The following ADAMTSL1 variants were observed in gnomAD, a reference collection of about 807,000 sequenced individuals.
The protein encoded by ADAMTSL1 is ADAMTS like 1.
In ADAMTSL1, 126 loss-of-function variants were observed where a neutral mutation model predicts 201.8. The observed-to-expected ratio is 0.62, with a 90% CI of 0.54 to 0.72. The LOEUF (loss-of-function observed/expected upper bound fraction) is 0.72. ADAMTSL1 is among the 30% of genes least tolerant of loss of function. The probability of loss-of-function intolerance (pLI) is 0.00; values close to 1 mark genes in which losing one functional copy is unlikely to be tolerated. For missense variants in ADAMTSL1, 2,679 were observed against 2,277.8 expected, an observed-to-expected ratio of 1.18 and a Z score of -3.59; for synonymous variants, 1,121 against 903.4, an observed-to-expected ratio of 1.24 and a Z score of -4.32.
rs182712305 is a variant in ADAMTSL1, at chr9:18,778,281, G to C, written c.3677+375G>C. On this transcript the variant is annotated intron_variant, in intron 19 of 28. Transcript: ENST00000380548. ...ACTCTGTAAGATGAACCATGGAAAA[G>C]CTTTGACACTGGAACACTGACTCCG... 2.0e-5 allele frequency among the ~76,000 whole-genome samples: 3 copies of C among 152,322 alleles called. No individual in the cohort carries two copies. In the East Asian group the frequency reaches 5.8e-4, roughly 29 times the overall value.
In ADAMTSL1 at chr9:18,254,345, G is replaced by GTTTTTTTTTTTTTT. The variant is rs59026505; in HGVS notation, c.207+90386_207+90399dup. Among the ~76,000 whole-genome samples the GTTTTTTTTTTTTTT allele has an allele frequency of 1.0e-4, 5 of 49,362 alleles. 1 individual carries two copies. The highest frequency in any genetic ancestry group is 1.4e-4 in the Non-Finnish European group (4 of 28,704). 32.4% of individuals were successfully genotyped at this position (49,362 alleles called of 152,430 possible). The stretch of plus-strand genomic sequence containing the variant: ...GGAACTACCGTCAATACTCTTTTTG[G>GTTTTTTTTTTTTTT]TTTTTTTTTTTTTTTTTTTTTTTTT... On this transcript the variant is annotated intron_variant, in intron 2 of 29. Transcript: ENST00000680146.
intron 1 of ADAMTSL1, among the ~76,000 whole-genome samples, chr9:17,988,861 T>C (rs1819030723): frequency 6.6e-6 from 1 of 152,006 alleles, no homozygotes; most frequent in African/African-American, 2.4e-5. Flanking sequence ...TCTGGTTTAG[T>C]GTTTCTCAAC....
At chr9:18,841,626 T>C (rs1170863752) in intron 23 of ADAMTSL1, among the ~76,000 whole-genome samples, 1 of 152,230 alleles carries the variant, frequency 6.6e-6, no homozygotes, top group East Asian at 1.9e-4. Context: ...CAGTTCCTTC[T>C]TGTACCTCTG....
intron 1 of ADAMTSL1, among the ~76,000 whole-genome samples, chr9:18,015,368 C>G (rs894585707): frequency 1.3e-5 from 2 of 152,078 alleles, no homozygotes; most frequent in African/African-American, 4.8e-5. Context: ...CTGATGATAA[C>G]TGAGTTAAAA....
chr9:18,717,266 A>G (rs990944879), intron 14 of ADAMTSL1, among the ~76,000 whole-genome samples: 1 of 149,556 alleles, frequency 6.7e-6, no homozygotes, highest in Non-Finnish European at 1.5e-5. Flanking sequence ...ATAAAATAAA[A>G]TAAAATAAAA....
chr9:18,403,237 G>A (rs2791448), intron 2 of ADAMTSL1, among the ~76,000 whole-genome samples: 18,755 of 151,754 alleles, frequency 0.12, 1,471 homozygotes, highest in South Asian at 0.24. Context: ...AGGCTGGAGT[G>A]CAGTAGCATG....
At chr9:18,210,256 T>A (rs1019467244) in intron 2 of ADAMTSL1, among the ~76,000 whole-genome samples, 1 of 151,346 alleles carries the variant, frequency 6.6e-6, no homozygotes, top group Middle Eastern at 3.4e-3. Context: ...ATAAAACATG[T>A]CAGAGTTTTT....
Position 18,611,568 on chromosome 9 carries a change from C to T in ADAMTSL1, c.475-10675C>T, listed in dbSNP as rs143764034. On this transcript the variant is annotated intron_variant, in intron 4 of 28. Coordinates refer to ENST00000380548, the MANE Select transcript of ADAMTSL1 (RefSeq NM_001040272.6). Reference sequence around the variant, plus strand: ...GTCCAAGACCCTGAAGTAAATAAGACGAGAACACAATAAATCAGACTGGGA... The same window carrying T: ...GTCCAAGACCCTGAAGTAAATAAGATGAGAACACAATAAATCAGACTGGGA... 2.9e-3 allele frequency among the ~76,000 whole-genome samples: 445 copies of T among 152,144 alleles called. 1 individual carries two copies. Among genetic ancestry groups the T allele is most frequent in the African/African-American group, 0.01 (430 of 41,494 alleles).
intron 2 of ADAMTSL1, among the ~76,000 whole-genome samples, chr9:18,418,245 C>T (rs1379415177): frequency 6.6e-6 from 1 of 152,162 alleles, no homozygotes; most frequent in Non-Finnish European, 1.5e-5. Context: ...AACAAAAAGT[C>T]ACTACAGGTA....
intron 2 of ADAMTSL1, among the ~76,000 whole-genome samples, chr9:18,175,535 T>G (rs1828104928): frequency 6.6e-6 from 1 of 152,234 alleles, no homozygotes; most frequent in African/African-American, 2.4e-5. Context: ...ACTCTAATCT[T>G]GCTTCTGACA....
chr9:18,648,897 T>C (rs1468232617), intron 7 of ADAMTSL1, among the ~76,000 whole-genome samples: 11 of 152,332 alleles, frequency 7.2e-5, no homozygotes, highest in Admixed American at 2.6e-4. Flanking sequence ...AGTACCTTTG[T>C]GGTGTTCTCT....
At chr9:18,330,118 A>C (rs566918311) in intron 2 of ADAMTSL1, among the ~76,000 whole-genome samples, 1 of 152,304 alleles carries the variant, frequency 6.6e-6, no homozygotes, top group East Asian at 1.9e-4. Context: ...CCAGAAATAA[A>C]ATGTCCTTAT....
chr9:18,446,952 A>T (rs1407574487), intron 2 of ADAMTSL1, among the ~76,000 whole-genome samples: 2 of 149,866 alleles, frequency 1.3e-5, no homozygotes, highest in Non-Finnish European at 2.9e-5. Flanking sequence ...TTGCTTTAAA[A>T]TTTCAAATTA....
intron 2 of ADAMTSL1, among the ~76,000 whole-genome samples, chr9:18,221,843 T>G (rs1830272202): frequency 6.6e-6 from 1 of 152,064 alleles, no homozygotes; most frequent in African/African-American, 2.4e-5. Flanking sequence ...TCTATATTCT[T>G]GTTGTTTTAT....
rs950614991 is a variant in ADAMTSL1, at chr9:18,141,297, A to G, written c.88-22565A>G. Among the ~76,000 whole-genome samples the G allele has an allele frequency of 5.9e-5, 9 of 152,260 alleles. No homozygotes were observed. The East Asian group carries it at 7.7e-4, about 13-fold the overall frequency. ...TTGGGTTCCTCATCATGGACAGAAG[A>G]ACATGTTAAGGCAGCAGTGCCTTAA... On this transcript the variant is annotated intron_variant, in intron 1 of 29. Coordinates refer to the ADAMTSL1 transcript ENST00000680146.
intron 14 of ADAMTSL1, chr9:18,718,134 T>C: frequency 9.6e-7 from 1 of 1,039,938 alleles, no homozygotes; most frequent in East Asian, 2.4e-5. Flanking sequence ...GCTAGATTTT[T>C]GACCTTCTTC....
At chr9:18,571,704 T>C (rs970937870) in intron 3 of ADAMTSL1, among the ~76,000 whole-genome samples, 3 of 152,168 alleles carry the variant, frequency 2.0e-5, no homozygotes, top group Admixed American at 2.0e-4. Context: ...CGTGTAGAGT[T>C]TGGGGGCAGT....
chr9:18,181,625 A>C (rs1828483373), intron 2 of ADAMTSL1, among the ~76,000 whole-genome samples: 2 of 152,176 alleles, frequency 1.3e-5, no homozygotes, highest in African/African-American at 4.8e-5. Context: ...ATCATTAAAA[A>C]GTCAGGAAAC....
intron 1 of ADAMTSL1, among the ~76,000 whole-genome samples, chr9:18,501,966 G>C (rs1471530488): frequency 2.6e-5 from 4 of 152,142 alleles, no homozygotes; most frequent in African/African-American, 9.7e-5. Flanking sequence ...TTCAAACAAG[G>C]CACATGAAAA....
Sources: gnomAD v4.1 joint callset for allele counts (sites outside exome capture counted in the v4.1 genomes callset) on GRCh38, gnomAD v4.1.1 for gene constraint, MANE v1.5 for transcripts, NCBI Gene and HGNC (gene_info 2026-07-23, HGNC 2026-07-21) for gene names.